The following SLC35F2 variants were observed in gnomAD, a reference collection of about 807,000 sequenced individuals.
The protein encoded by SLC35F2 is solute carrier family 35 member F2, also known as queuine/queuosine transporter SLC35F2.
In SLC35F2, 25 loss-of-function variants were observed where a neutral mutation model predicts 38.1. That is an observed-to-expected ratio of 0.66 (90% CI 0.48 to 0.92). The LOEUF is 0.92. Among genes scored for constraint, SLC35F2 ranks in the 40% least tolerant of loss-of-function variants. The probability of loss-of-function intolerance (pLI) is 0.00; values close to 1 mark genes in which losing one functional copy is unlikely to be tolerated. For synonymous variants in SLC35F2, 173 were observed against 181.7 expected, an observed-to-expected ratio of 0.95 and a Z score of 0.38; for missense variants, 409 against 452.9, an observed-to-expected ratio of 0.90 and a Z score of 0.88.
intron 1 of SLC35F2, among the ~76,000 whole-genome samples, chr11:107,843,860 AAAAAAAAAATATATATATATATATATAT>A (rs1206680389): frequency 7.3e-4 from 29 of 39,686 alleles, no homozygotes; most frequent in African/African-American, 2.4e-3. Flanking sequence ...AAAAAAAAAA[AAAAAAAAAATATATATATATATATATAT>A]ATATATATAT....
chr11:107,841,736 A>G (rs1860015076), intron 1 of SLC35F2, among the ~76,000 whole-genome samples: 1 of 152,064 alleles, frequency 6.6e-6, no homozygotes, highest in Admixed American at 6.5e-5. Context: ...TTTTGGAAGG[A>G]TGAGGCAGGT....
At chr11:107,810,619 T>C in intron 3 of SLC35F2, 1 of 985,386 alleles carries the variant, frequency 1.0e-6, no homozygotes, top group African/African-American at 1.7e-5. Flanking sequence ...GTGCCTCCTA[T>C]AGTGTCTGTC....
At chr11:107,826,720 A>C (rs1859759751) in intron 1 of SLC35F2, among the ~76,000 whole-genome samples, 1 of 152,234 alleles carries the variant, frequency 6.6e-6, no homozygotes, top group African/African-American at 2.4e-5. Flanking sequence ...ATCTAAAATA[A>C]AATTTAAAAT....
At position 107,820,274 on chromosome 11, in the gene SLC35F2, T is replaced by C. The variant is rs1472284067; in HGVS notation, c.111-4309A>G. ...TGCCCAAAAAATAAAAAAAAAAAAA[T>C]TGGGAGAGAGAGAAAAGAAAGGGAG... On this transcript the variant is annotated intron_variant, in intron 1 of 7. Transcript: ENST00000525815. Among the ~76,000 whole-genome samples, 4 of 128,506 alleles carry C rather than the reference T, an allele frequency of 3.1e-5. No individual in the cohort carries two copies. The South Asian group carries it at 7.0e-4, about 23-fold the overall frequency. The allele number at this position is 128,506 out of a possible 152,430, so 84.3% of individuals were successfully genotyped here. A position where few individuals can be genotyped will look rare whatever the true frequency, so the allele number is the denominator to read the frequency against.
intron 4 of SLC35F2, 179 bp downstream of exon 4, chr11:107,806,538 A>G (rs1859393061): frequency 6.6e-6 from 4 of 606,108 alleles, no homozygotes; most frequent in Non-Finnish European, 1.2e-5. Flanking sequence ...ATGAATTCAT[A>G]GACCTCAATT....
chr11:107,851,236 C>T (rs1031879908), intron 1 of SLC35F2, among the ~76,000 whole-genome samples: 10 of 149,954 alleles, frequency 6.7e-5, no homozygotes, highest in South Asian at 2.1e-4. Context: ...GTACTCTAGC[C>T]GGGGCAACAG....
At chr11:107,845,625 T>C (rs1282720727) in intron 1 of SLC35F2, among the ~76,000 whole-genome samples, 1 of 151,952 alleles carries the variant, frequency 6.6e-6, no homozygotes, top group East Asian at 1.9e-4. Context: ...TAACCAAGTT[T>C]TTGTGACACA....
At chr11:107,817,149 G>T (rs145562110) in intron 1 of SLC35F2, among the ~76,000 whole-genome samples, 1 of 152,094 alleles carries the variant, frequency 6.6e-6, no homozygotes, top group East Asian at 1.9e-4. Flanking sequence ...GGTGGCAGGC[G>T]CCTGTAATCC....
chr11:107,797,822 T>C (rs1859244391), intron 7 of SLC35F2, among the ~76,000 whole-genome samples: 1 of 152,164 alleles, frequency 6.6e-6, no homozygotes, highest in South Asian at 2.1e-4. Flanking sequence ...AGCAGACAAC[T>C]ATAATTTCCT....
chr11:107,820,308 A>C (rs550333941), intron 1 of SLC35F2, among the ~76,000 whole-genome samples: 5 of 151,354 alleles, frequency 3.3e-5, no homozygotes, highest in African/African-American at 1.2e-4. Flanking sequence ...AGGGAGGGGA[A>C]GGAAGGAAGG....
chr11:107,834,258 GACAA>G (rs1253365847), intron 1 of SLC35F2, among the ~76,000 whole-genome samples: 2 of 152,118 alleles, frequency 1.3e-5, no homozygotes, highest in East Asian at 3.8e-4. Flanking sequence ...TGATTAAAGA[GACAA>G]ACAGGGAAAA....
At chr11:107,817,326 G>A (rs187834638) in intron 1 of SLC35F2, among the ~76,000 whole-genome samples, 100 of 152,156 alleles carry the variant, frequency 6.6e-4, no homozygotes, top group African/African-American at 2.0e-3. Flanking sequence ...AGAGCTGGAC[G>A]GGAAAGACTC....
intron 2 of SLC35F2, among the ~76,000 whole-genome samples, chr11:107,814,029 T>C (rs919953494): frequency 6.6e-6 from 1 of 152,168 alleles, no homozygotes; most frequent in African/African-American, 2.4e-5. Context: ...TCTAATTTCC[T>C]AAGTGTGCAC....
intron 1 of SLC35F2, among the ~76,000 whole-genome samples, chr11:107,830,726 T>TAAATAC (rs1859826385): frequency 6.6e-6 from 1 of 152,146 alleles, no homozygotes; most frequent in Admixed American, 6.6e-5. Context: ...ACATCACATG[T>TAAATAC]ATTTGCCTTC....
chr11:107,813,200 A>T (rs10160657), intron 2 of SLC35F2, among the ~76,000 whole-genome samples: 19,196 of 152,104 alleles, frequency 0.13, 1,657 homozygotes, highest in African/African-American at 0.25. Context: ...ATCCCAGCAC[A>T]TTGGGAGGCT....
At chr11:107,799,899 T>TG (rs1241204823) in intron 7 of SLC35F2, among the ~76,000 whole-genome samples, 13,526 of 150,062 alleles carry the variant, frequency 0.09, 1,548 homozygotes, top group East Asian at 0.27. Flanking sequence ...TTTTGTTTTT[T>TG]TTTTTTTGAG....
intron 7 of SLC35F2, among the ~76,000 whole-genome samples, chr11:107,798,423 T>C (rs1244269795): frequency 6.6e-6 from 1 of 152,224 alleles, no homozygotes. Context: ...CTTTTAAATG[T>C]TCAGAAGAAA....
At chr11:107,834,853 TTA>T (rs1213973322) in intron 1 of SLC35F2, among the ~76,000 whole-genome samples, 8 of 152,262 alleles carry the variant, frequency 5.3e-5, no homozygotes, top group African/African-American at 1.9e-4. Flanking sequence ...GATTCAGTTA[TTA>T]TGGAATTATA....
chr11:107,818,877 A>G (rs1263773427), intron 1 of SLC35F2, among the ~76,000 whole-genome samples: 1 of 152,222 alleles, frequency 6.6e-6, no homozygotes, highest in African/African-American at 2.4e-5. Context: ...GTGGTGGCTC[A>G]CGCCTGTAAT....
Sources: gnomAD v4.1 joint callset for allele counts (sites outside exome capture counted in the v4.1 genomes callset) on GRCh38, gnomAD v4.1.1 for gene constraint, MANE v1.5 for transcripts, NCBI Gene and HGNC (gene_info 2026-07-23, HGNC 2026-07-21) for gene names.